The following DOCK1 variants were observed in gnomAD, a reference collection of about 807,000 sequenced individuals.
DOCK1 encodes dedicator of cytokinesis protein 1.
In DOCK1, 138 loss-of-function variants were observed where a neutral mutation model predicts 262.7. The observed-to-expected ratio is 0.53, with a 90% CI of 0.46 to 0.61. The LOEUF (loss-of-function observed/expected upper bound fraction) is 0.61. Ranked by LOEUF, DOCK1 falls within the 20% of genes least tolerant of loss-of-function variation. DOCK1 has a pLI of 0.00. For synonymous variants in DOCK1, 866 were observed against 867.4 expected (o/e 1.00, Z 0.03); for missense variants, 1,908 against 2,370.7 (o/e 0.80, Z 4.05).
At chr10:126,953,757 G>T (rs1045164575) in intron 1 of DOCK1, among the ~76,000 whole-genome samples, 2 of 152,188 alleles carry the variant, frequency 1.3e-5, no homozygotes, top group Admixed American at 6.5e-5. Flanking sequence ...GGGTTAGAGG[G>T]TGTGTGGCTG....
chr10:127,025,468 ACG>A (rs780218770), intron 15 of DOCK1, among the ~76,000 whole-genome samples: 1 of 151,836 alleles, frequency 6.6e-6, no homozygotes, highest in Non-Finnish European at 1.5e-5. Context: ...TTTTTTTGAG[ACG>A]GAGTCTCATT....
intron 24 of DOCK1, among the ~76,000 whole-genome samples, chr10:127,109,643 G>A (rs1228816563): frequency 2.0e-5 from 3 of 152,160 alleles, no homozygotes; most frequent in Non-Finnish European, 2.9e-5. Flanking sequence ...TGTGGCCTCT[G>A]TACTGGCTTC....
rs1020118045 is a variant in DOCK1 at position 127,437,264 on chromosome 10, G to C, written c.5061-1763G>C. On this transcript the variant is annotated intron_variant, in intron 48 of 51. Transcript: ENST00000623213. The surrounding 1 kb of genome is among the most constrained non-coding windows in gnomAD (Gnocchi z 4.4). Reference sequence around the variant, plus strand: ...ATTATTGTTTACATAGTGACCTGCAGCAGATCCTACTGCACAGCCATATTA... The same window carrying C: ...ATTATTGTTTACATAGTGACCTGCACCAGATCCTACTGCACAGCCATATTA... Among the ~76,000 whole-genome samples, 1 of 152,160 alleles carries C rather than the reference G, an allele frequency of 6.6e-6. No individual in the cohort carries two copies. The highest frequency in any genetic ancestry group is 1.5e-5 in the Non-Finnish European group (1 of 68,030).
At chr10:127,249,509 A>G (rs1295050527) in intron 28 of DOCK1, among the ~76,000 whole-genome samples, 2 of 151,906 alleles carry the variant, frequency 1.3e-5, no homozygotes, top group African/African-American at 4.8e-5. Flanking sequence ...TCGTTAGGCA[A>G]TTTCATCATT....
intron 3 of DOCK1, among the ~76,000 whole-genome samples, chr10:126,980,653 C>A (rs2038896033): frequency 6.6e-6 from 1 of 151,838 alleles, no homozygotes; most frequent in African/African-American, 2.4e-5. Context: ...CCCCTGCCTG[C>A]CCCCTGCCCA....
At chr10:127,396,181 AC>A (rs968884790) in intron 38 of DOCK1, among the ~76,000 whole-genome samples, 1 of 147,894 alleles carries the variant, frequency 6.8e-6, no homozygotes, top group African/African-American at 2.5e-5. Context: ...GGGCCAGGTT[AC>A]GGCTGCAGTG....
chr10:126,954,165 G>A (rs2036550832), intron 1 of DOCK1, among the ~76,000 whole-genome samples: 3 of 152,344 alleles, frequency 2.0e-5, no homozygotes, highest in Admixed American at 6.5e-5. Flanking sequence ...ATCTTATTAT[G>A]TGTTGCTGTA....
intron 29 of DOCK1, among the ~76,000 whole-genome samples, chr10:127,296,341 G>A (rs1043712180): frequency 6.6e-6 from 1 of 152,206 alleles, no homozygotes; most frequent in African/African-American, 2.4e-5. Flanking sequence ...TAGTGGAGCT[G>A]CACCTGCCCA....
intron 29 of DOCK1, among the ~76,000 whole-genome samples, chr10:127,264,085 C>T (rs1021786303): frequency 6.6e-5 from 10 of 152,122 alleles, no homozygotes; most frequent in African/African-American, 7.2e-5. Flanking sequence ...TGTAATTTTC[C>T]CTATTTTGGA....
Position 127,236,500 on chromosome 10 carries a change from G to GTTTTT in DOCK1, c.2848-11487_2848-11483dup, listed in dbSNP as rs771387854. On this transcript the variant is annotated intron_variant, in intron 27 of 51. Coordinates refer to ENST00000623213, the MANE Select transcript of DOCK1 (RefSeq NM_001290223.2). ...TGCACATTGATCCTTCTTGACACGG[G>GTTTTT]TTTTTTTTTTTTTTTTTTTTTTTTT... Among the ~76,000 whole-genome samples, 17 of 66,788 alleles carry GTTTTT rather than the reference G, an allele frequency of 2.5e-4. 2 individuals are homozygous for GTTTTT. Among genetic ancestry groups the GTTTTT allele is most frequent in the Admixed American group, 1.2e-3 (5 of 4,136 alleles). 43.8% of individuals were successfully genotyped at this position (66,788 alleles called of 152,430 possible). A position where few individuals can be genotyped will look rare whatever the true frequency, so the allele number is the denominator to read the frequency against.
chr10:127,406,275 C>T (rs1165162992), intron 40 of DOCK1, among the ~76,000 whole-genome samples: 1 of 152,092 alleles, frequency 6.6e-6, no homozygotes, highest in Non-Finnish European at 1.5e-5. Context: ...AGGGCAGTGC[C>T]GGGTGCGGAG....
chr10:127,259,307 G>T (rs1322980215), intron 29 of DOCK1, among the ~76,000 whole-genome samples: 2 of 152,210 alleles, frequency 1.3e-5, no homozygotes, highest in African/African-American at 2.4e-5. Context: ...GGACTTAATA[G>T]AAAGCACTGG....
intron 27 of DOCK1, among the ~76,000 whole-genome samples, chr10:127,134,809 G>A (rs1005879619): frequency 6.6e-6 from 1 of 152,146 alleles, no homozygotes; most frequent in Non-Finnish European, 1.5e-5. Flanking sequence ...CCTTGCACAT[G>A]GACTCTGTGG....
chr10:127,409,769 G>T (rs1422960284), intron 42 of DOCK1, among the ~76,000 whole-genome samples: 1 of 152,156 alleles, frequency 6.6e-6, no homozygotes, highest in Non-Finnish European at 1.5e-5. Flanking sequence ...GTTCATACAT[G>T]TGAGTGTGGC....
chr10:126,944,832 A>C (rs2035274518), intron 1 of DOCK1, among the ~76,000 whole-genome samples: 1 of 151,918 alleles, frequency 6.6e-6, no homozygotes, highest in East Asian at 1.9e-4. Flanking sequence ...AAAACCTAGG[A>C]GCTGAAAACA....
intron 1 of DOCK1, among the ~76,000 whole-genome samples, chr10:126,915,432 G>GT (rs970643869): frequency 3.6e-5 from 3 of 83,436 alleles, no homozygotes; most frequent in Non-Finnish European, 7.7e-5. Context: ...TTTGGGGGCG[G>GT]GGGGGGGATG....
chr10:127,134,299 G>A (rs891581849), intron 27 of DOCK1, among the ~76,000 whole-genome samples: 2 of 152,162 alleles, frequency 1.3e-5, no homozygotes, highest in Non-Finnish European at 2.9e-5. Flanking sequence ...TGGTCTGCCT[G>A]AGGCTGGGCC....
chr10:127,333,756 A>G (rs1305669833), intron 29 of DOCK1, among the ~76,000 whole-genome samples: 2 of 152,178 alleles, frequency 1.3e-5, no homozygotes, highest in Non-Finnish European at 2.9e-5. Flanking sequence ...CTGTCTCCCA[A>G]AGACGCGCAG....
chr10:127,177,605 C>CTT (rs1564874406), intron 27 of DOCK1, among the ~76,000 whole-genome samples: 4 of 152,156 alleles, frequency 2.6e-5, no homozygotes, highest in Non-Finnish European at 5.9e-5. Flanking sequence ...TGGACATGGG[C>CTT]CCGTGAGAGC....
Sources: allele counts gnomAD v4.1 joint callset (sites outside exome capture counted in the v4.1 genomes callset), GRCh38; gene constraint gnomAD v4.1.1; non-coding constraint Gnocchi (gnomAD v3.1); transcripts MANE v1.5; gene names NCBI Gene and HGNC (gene_info 2026-07-23, HGNC 2026-07-21).